Variants in KIAA0586 observed in about 807,000 individuals in gnomAD.
KIAA0586 encodes protein TALPID3.
A neutral mutation model predicts 169.8 loss-of-function variants in KIAA0586; 144 were observed. The ratio of observed to expected loss-of-function variants is 0.85; its 90% CI spans 0.74 to 0.97. The LOEUF (loss-of-function observed/expected upper bound fraction) is 0.97. Ranked by LOEUF, KIAA0586 falls within the 50% of genes least tolerant of loss-of-function variation. KIAA0586 has a pLI of 0.00. For missense variants in KIAA0586, 1,854 were observed against 1,823.0 expected (o/e 1.02, Z -0.31); for synonymous variants, 625 against 612.4 (o/e 1.02, Z -0.30).
intron 20 of KIAA0586, among the ~76,000 whole-genome samples, chr14:58,480,707 C>G (rs371421511): frequency 1.3e-5 from 2 of 152,316 alleles, no homozygotes; most frequent in East Asian, 3.9e-4. Context: ...ATTCCCCACT[C>G]AGCCATACCC....
At chr14:58,458,947 A>G (rs1187274013) in intron 12 of KIAA0586, among the ~76,000 whole-genome samples, 2 of 152,232 alleles carry the variant, frequency 1.3e-5, no homozygotes, top group Non-Finnish European at 1.5e-5. Context: ...TACGGAAGTC[A>G]GTTCCAGATG....
Position 58,548,428 on chromosome 14 carries a change from G to GA in KIAA0586, c.*502dup, listed in dbSNP as rs1169233087. 1 of 152,240 alleles carries GA rather than the reference G, an allele frequency of 6.6e-6. No homozygotes were observed. The highest frequency in any genetic ancestry group is 1.5e-5 in the Non-Finnish European group (1 of 68,118). The allele number at this position is 152,240 out of a possible 1,614,324, so 9.4% of individuals were successfully genotyped here. On this transcript the variant is annotated 3_prime_UTR_variant, in exon 31 of 31. Transcript: ENST00000652326. ...AATCTTTGAGATGCACTGTTAAAGT[G>GA]AAAAAAGCCATGTGCAAAATAGTGT...
At chr14:58,560,735 T>C in the KIAA0586 span, among the ~76,000 whole-genome samples, 1 of 152,236 alleles carries the variant, frequency 6.6e-6, no homozygotes, top group Non-Finnish European at 1.5e-5. Context: ...TGCTTTATGA[T>C]ACCTGAAAAA....
intron 27 of KIAA0586, among the ~76,000 whole-genome samples, chr14:58,507,319 ATT>A (rs1690210965): frequency 1.4e-5 from 2 of 146,560 alleles, no homozygotes; most frequent in African/African-American, 5.0e-5. Context: ...TATCATATAT[ATT>A]TATATATGAT....
At chr14:58,445,780 ACT>A (rs909839833) in intron 6 of KIAA0586, among the ~76,000 whole-genome samples, 1 of 49,380 alleles carries the variant, frequency 2.0e-5, no homozygotes, top group Non-Finnish European at 4.0e-5. Flanking sequence ...CACTCAGTAA[ACT>A]CTTTTTTTTT....
chr14:58,550,786 G>A lies in KIAA0586; in HGVS notation c.*2854G>A, dbSNP rs942985284. ...GATGTCAAGACTGCAGTGAGCCGTG[G>A]TTGTGCCACTGCACTCCAGCCTGGG... On this transcript the variant is annotated 3_prime_UTR_variant, in exon 31 of 31. Coordinates refer to ENST00000652326, the MANE Select transcript of KIAA0586 (RefSeq NM_001329943.3). 1 of 150,398 alleles carries A rather than the reference G, an allele frequency of 6.6e-6. No homozygotes were observed. Among genetic ancestry groups the A allele is most frequent in the Non-Finnish European group, 1.5e-5 (1 of 67,804 alleles). The allele number at this position is 150,398 out of a possible 1,614,324, so 9.3% of individuals were successfully genotyped here.
downstream of KIAA0586, among the ~76,000 whole-genome samples, chr14:58,555,008 C>T (rs1051104096): frequency 2.0e-5 from 3 of 151,658 alleles, no homozygotes; most frequent in Non-Finnish European, 2.9e-5. Context: ...TCCACAGTCA[C>T]TGAATAGAAG....
chr14:58,428,928 C>A (rs1031617285), intron 1 of KIAA0586, among the ~76,000 whole-genome samples: 1 of 152,106 alleles, frequency 6.6e-6, no homozygotes, highest in Non-Finnish European at 1.5e-5. Context: ...TATGCTTTAC[C>A]CACTTCGCTG....
chr14:58,455,674 G>GTGTGT (rs1189002519), intron 9 of KIAA0586, among the ~76,000 whole-genome samples: 2 of 139,466 alleles, frequency 1.4e-5, no homozygotes, highest in African/African-American at 5.0e-5. Flanking sequence ...TGGATTACGT[G>GTGTGT]TGTGTGTGTG....
At chr14:58,497,667 TTATAAAAATCTTATTATTG>T (rs899201735) in intron 26 of KIAA0586, among the ~76,000 whole-genome samples, 1 of 151,992 alleles carries the variant, frequency 6.6e-6, no homozygotes, top group Non-Finnish European at 1.5e-5. Context: ...CTCTATACTT[TTATAAAAATCTTATTATTG>T]ATATATGGGG....
rs564878755 is a variant in KIAA0586 at position 58,513,909 on chromosome 14, G to T, written c.4429+1282G>T. On this transcript the variant is annotated intron_variant, in intron 29 of 30. Coordinates refer to ENST00000652326, the MANE Select transcript of KIAA0586 (RefSeq NM_001329943.3). Reference sequence around the variant, plus strand: ...GATAGGAAAATGTCTCTGGTAAGATGTTAGCTGGTAGAAGGAAGTTTTATG... The same window carrying T: ...GATAGGAAAATGTCTCTGGTAAGATTTTAGCTGGTAGAAGGAAGTTTTATG... Among the ~76,000 whole-genome samples the T allele has an allele frequency of 1.6e-4, 25 of 152,160 alleles. No homozygotes were observed. In the South Asian group the frequency reaches 4.8e-3, roughly 29 times the overall value.
At chr14:58,536,357 A>G (rs543828513) in intron 29 of KIAA0586, among the ~76,000 whole-genome samples, 5 of 152,000 alleles carry the variant, frequency 3.3e-5, no homozygotes, top group Non-Finnish European at 7.4e-5. Context: ...GTCCATGTGT[A>G]CCCATTGTTT....
At position 58,430,656 on chromosome 14, in the gene KIAA0586, T is replaced by C; in HGVS notation, c.279T>C (p.Ser93=). The C allele has an allele frequency of 1.0e-5, 16 of 1,594,878 alleles. No individual in the cohort carries two copies. Among genetic ancestry groups the C allele is most frequent in the Non-Finnish European group, 1.4e-5 (16 of 1,168,834 alleles). ...ENPMVSESDF[S]KDVAVQVLPL... is the part of the protein sequence containing the mutation. The stretch of plus-strand genomic sequence containing the variant: ...CCTTTCATATCCCAAAGGATTTTTC[T>C]AAAGACGTTGCAGTGCAAGTGTTGC... Residue 93 remains serine, a synonymous_variant, in exon 3 of 31, where the codon TCT becomes TCC. Transcript: ENST00000652326.
At chr14:58,519,219 C>A (rs2045003307) in intron 29 of KIAA0586, among the ~76,000 whole-genome samples, 2 of 152,176 alleles carry the variant, frequency 1.3e-5, no homozygotes. Context: ...ATTTATTCAT[C>A]ACAATACCAT....
At chr14:58,528,708 T>C (rs2045758279) in intron 29 of KIAA0586, among the ~76,000 whole-genome samples, 2 of 152,180 alleles carry the variant, frequency 1.3e-5, no homozygotes, top group South Asian at 4.1e-4. Context: ...TAAAGCAGTG[T>C]GTAGAGGGAA....
chr14:58,456,379 G>A (rs1294486887), intron 9 of KIAA0586, among the ~76,000 whole-genome samples: 1 of 152,134 alleles, frequency 6.6e-6, no homozygotes, highest in African/African-American at 2.4e-5. Flanking sequence ...TTATGGAGAA[G>A]CAGATTTTCA....
intron 8 of KIAA0586, among the ~76,000 whole-genome samples, chr14:58,451,250 A>T (rs1400716269): frequency 6.6e-6 from 1 of 152,020 alleles, no homozygotes; most frequent in East Asian, 1.9e-4. Flanking sequence ...TTATGAGACA[A>T]GGTCTCACTC....
Position 58,427,783 on chromosome 14 carries a change from A to AT in KIAA0586, c.-479dup. On this transcript the variant is annotated 5_prime_UTR_variant, in exon 1 of 31. Transcript: ENST00000652326. ...GCGTTCTGGAGATACGTAGGGGTGA[A>AT]TTTATGTTTCCGACGATTGCATCTG... The AT allele has an allele frequency of 6.6e-7, 1 of 1,518,542 alleles. No homozygotes were observed. Among genetic ancestry groups the AT allele is most frequent in the Non-Finnish European group, 8.8e-7 (1 of 1,138,268 alleles). The allele number at this position is 1,518,542 out of a possible 1,614,324, so 94.1% of individuals were successfully genotyped here.
intron 27 of KIAA0586, among the ~76,000 whole-genome samples, chr14:58,505,715 G>C (rs923936102): frequency 2.0e-5 from 3 of 152,104 alleles, no homozygotes; most frequent in East Asian, 1.9e-4. Context: ...TCATATGTTT[G>C]TTGGCCATTT....
Sources: allele counts gnomAD v4.1 joint callset (sites outside exome capture counted in the v4.1 genomes callset), GRCh38; gene constraint gnomAD v4.1.1; transcripts MANE v1.5; gene names NCBI Gene and HGNC (gene_info 2026-07-23, HGNC 2026-07-21).